Variants in SLC25A26 observed in about 807,000 individuals in gnomAD.
SLC25A26 encodes mitochondrial S-adenosylmethionine carrier protein.
In SLC25A26, 36 loss-of-function variants were observed where a neutral mutation model predicts 37.8. That is an observed-to-expected ratio of 0.95 (90% CI 0.73 to 1.26). SLC25A26 has a LOEUF of 1.26. Among genes scored for constraint, SLC25A26 ranks in the 50% most tolerant of loss-of-function variants. The pLI, the probability that SLC25A26 is intolerant of heterozygous loss-of-function variation, is 0.00. For missense variants in SLC25A26, 390 were observed against 331.1 expected (o/e 1.18, Z -1.38); for synonymous variants, 129 against 122.5 (o/e 1.05, Z -0.35).
At chr3:66,184,350 G>A (rs546544365) in intron 1 of SLC25A26, among the ~76,000 whole-genome samples, 29 of 151,926 alleles carry the variant, frequency 1.9e-4, no homozygotes, top group African/African-American at 6.5e-4. Flanking sequence ...GATATGAACA[G>A]TGACTCAATC....
chr3:66,208,870 G>GTATATATATATA (rs1553655942), intron 1 of SLC25A26, among the ~76,000 whole-genome samples: 5 of 55,888 alleles, frequency 8.9e-5, no homozygotes, highest in East Asian at 8.0e-4. Flanking sequence ...ATGGGTGTGT[G>GTATATATATATA]TATATATATA....
intron 3 of SLC25A26, among the ~76,000 whole-genome samples, chr3:66,257,995 G>T (rs2073372193): frequency 6.6e-6 from 1 of 152,172 alleles, no homozygotes. Context: ...TTGGTTGCTT[G>T]CCATCAACAT....
At chr3:66,169,363 C>T (rs1421702262) in intron 1 of SLC25A26, among the ~76,000 whole-genome samples, 3 of 152,146 alleles carry the variant, frequency 2.0e-5, no homozygotes, top group Admixed American at 6.5e-5. Context: ...TAGACCAATC[C>T]CTTACCTGTT....
chr3:66,166,752 A>G (rs964191641), intron 1 of SLC25A26, among the ~76,000 whole-genome samples: 2 of 152,088 alleles, frequency 1.3e-5, no homozygotes, highest in African/African-American at 2.4e-5. Context: ...TGGACTGTCA[A>G]TCATATCCAG....
chr3:66,182,733 G>GGGGGGA (rs2070739792), intron 1 of SLC25A26, among the ~76,000 whole-genome samples: 1 of 122,582 alleles, frequency 8.2e-6, no homozygotes. Flanking sequence ...GGGGGGTGGG[G>GGGGGGA]TATCAGTAGA....
chr3:66,138,331 C>T (rs1216214547), intron 1 of SLC25A26, among the ~76,000 whole-genome samples: 2 of 152,042 alleles, frequency 1.3e-5, no homozygotes, highest in African/African-American at 2.4e-5. Context: ...AAATCTCACC[C>T]CCCTTCAGAC....
At chr3:66,251,185 C>A (rs1032750014) in intron 3 of SLC25A26, among the ~76,000 whole-genome samples, 4 of 152,062 alleles carry the variant, frequency 2.6e-5, no homozygotes, top group African/African-American at 9.7e-5. Context: ...AGGGCCTTGC[C>A]TGCTATAGTA....
chr3:66,169,087 T>C (rs1364150182), intron 1 of SLC25A26, among the ~76,000 whole-genome samples: 1 of 152,220 alleles, frequency 6.6e-6, no homozygotes, highest in Non-Finnish European at 1.5e-5. Flanking sequence ...ATCGCATTAC[T>C]GCTATCCATC....
At chr3:66,208,870 G>GTGTATGTATATATATATATA (rs1364331517) in intron 1 of SLC25A26, among the ~76,000 whole-genome samples, 1 of 55,888 alleles carries the variant, frequency 1.8e-5, no homozygotes, top group African/African-American at 4.5e-5. Flanking sequence ...ATGGGTGTGT[G>GTGTATGTATATATATATATA]TATATATATA....
intron 1 of SLC25A26, among the ~76,000 whole-genome samples, chr3:66,188,836 A>C (rs2070881160): frequency 1.3e-5 from 2 of 151,890 alleles, no homozygotes; most frequent in Admixed American, 6.6e-5. Context: ...TTGATAATCA[A>C]CCTGACCAGA....
At chr3:66,372,409 A>G (rs1202378062) in intron 9 of SLC25A26, among the ~76,000 whole-genome samples, 1 of 152,162 alleles carries the variant, frequency 6.6e-6, no homozygotes, top group Non-Finnish European at 1.5e-5. Flanking sequence ...TGTTGAGTAG[A>G]TGATTGAAGA....
At chr3:66,197,259 C>G (rs958350091) in intron 1 of SLC25A26, among the ~76,000 whole-genome samples, 4 of 152,012 alleles carry the variant, frequency 2.6e-5, no homozygotes, top group African/African-American at 9.7e-5. Context: ...GAGTATCGGT[C>G]AGATTCAGGG....
chr3:66,149,967 A>G lies in SLC25A26; in HGVS notation c.-354+15983A>G, dbSNP rs748522570. Among the ~76,000 whole-genome samples the G allele has an allele frequency of 1.9e-4, 29 of 152,124 alleles. 1 individual carries two copies. The highest frequency in any genetic ancestry group is 3.2e-3 in the Middle Eastern group (1 of 316). On this transcript the variant is annotated intron_variant, in intron 1 of 10. Transcript: ENST00000676754. ...GAGTCCATGGGTGGGGAGGAGAAAG[A>G]TTAGGGAAGGTGCTGCTTGGCCAAC...
Position 66,209,210 on chromosome 3 carries a change from A to G in SLC25A26, c.-353-11532A>G, listed in dbSNP as rs1310497956. 5.1e-5 allele frequency among the ~76,000 whole-genome samples: 7 copies of G among 137,498 alleles called. No homozygotes were observed. The East Asian group carries it at 1.5e-3, about 30-fold the overall frequency. The allele number at this position is 137,498 out of a possible 152,430, so 90.2% of individuals were successfully genotyped here. A position where few individuals can be genotyped will look rare whatever the true frequency, so the allele number is the denominator to read the frequency against. On this transcript the variant is annotated intron_variant, in intron 1 of 10. Coordinates refer to the SLC25A26 transcript ENST00000676754. ...ATATATAACTTCTATATTTTGACAG[A>G]CAAAACACAAAGAATATATAACGAT...
intron 1 of SLC25A26, among the ~76,000 whole-genome samples, chr3:66,168,918 T>A (rs941819866): frequency 6.6e-6 from 1 of 152,174 alleles, no homozygotes; most frequent in Non-Finnish European, 1.5e-5. Context: ...GCCTAGGAGT[T>A]CAAGACCCGA....
chr3:66,333,436 G>A (rs1212182036), intron 5 of SLC25A26, among the ~76,000 whole-genome samples: 3 of 152,012 alleles, frequency 2.0e-5, no homozygotes, highest in Non-Finnish European at 4.4e-5. Flanking sequence ...TCTACTATAT[G>A]GTTTATTTGG....
chr3:66,326,205 A>G (rs887903530), intron 5 of SLC25A26, among the ~76,000 whole-genome samples: 1 of 152,238 alleles, frequency 6.6e-6, no homozygotes, highest in Non-Finnish European at 1.5e-5. Context: ...ATTGCCGGAC[A>G]TACAGAGTGC....
upstream of SLC25A26, among the ~76,000 whole-genome samples, chr3:66,219,647 G>A (rs1379377894): frequency 2.6e-5 from 4 of 152,018 alleles, no homozygotes; most frequent in Non-Finnish European, 4.4e-5. Context: ...TGTGTAGTCC[G>A]GCTAGTGGGA....
At chr3:66,373,271 C>G (rs60358319) in intron 9 of SLC25A26, among the ~76,000 whole-genome samples, 6,413 of 152,240 alleles carry the variant, frequency 0.042, 458 homozygotes, top group African/African-American at 0.14. Flanking sequence ...TCTGTGGGCA[C>G]TAGAACACGC....
Sources: gnomAD v4.1 joint callset for allele counts (sites outside exome capture counted in the v4.1 genomes callset) on GRCh38, gnomAD v4.1.1 for gene constraint, MANE v1.5 for transcripts, NCBI Gene and HGNC (gene_info 2026-07-23, HGNC 2026-07-21) for gene names.